ZMYND15: variants seen among roughly 807,000 people sequenced by gnomAD.
ZMYND15 encodes the protein zinc finger MYND-type containing 15, also known as zinc finger MYND domain-containing protein 15.
Under a neutral mutation model 81.7 loss-of-function variants are expected in ZMYND15, and 54 were observed. The observed-to-expected ratio is 0.66, with a 90% CI of 0.53 to 0.83. The LOEUF (loss-of-function observed/expected upper bound fraction) is 0.83, where lower values mean the gene tolerates loss of function less well. Ranked by LOEUF, ZMYND15 falls within the 40% of genes least tolerant of loss-of-function variation. ZMYND15 has a pLI of 0.00. For synonymous variants in ZMYND15, 399 were observed against 387.0 expected, an observed-to-expected ratio of 1.03 and a Z score of -0.36; for missense variants, 925 against 973.5, an observed-to-expected ratio of 0.95 and a Z score of 0.66.
At chr17:4,742,112 G>T in intron 4 of ZMYND15, 42 bp downstream of exon 4, 2 of 1,609,094 alleles carry the variant, frequency 1.2e-6, no homozygotes, top group Non-Finnish European at 8.5e-7. Context: ...ACCCCAATAG[G>T]CAAATAGAAG....
rs1164756599 is a variant in ZMYND15 at position 4,743,529 on chromosome 17, G to C, written c.1297+74G>C. The C allele has an allele frequency of 5.1e-6, 8 of 1,583,928 alleles. No homozygotes were observed. The highest frequency in any genetic ancestry group is 1.7e-5 in the Admixed American group (1 of 57,738). ...CTGGGAAGAAGTTGTCTGGGTCCCA[G>C]ATGATCCCTCCACATACACACTGAC... On this transcript the variant is annotated intron_variant, in intron 6 of 13. Coordinates refer to ENST00000433935, the MANE Select transcript of ZMYND15 (RefSeq NM_001136046.3). This position sits in a 1 kb window ranked among gnomAD's most constrained non-coding sequence, Gnocchi z 4.3.
Position 4,741,659 on chromosome 17 carries a change from G to A in ZMYND15, c.670G>A (p.Val224Met). The stretch of plus-strand genomic sequence containing the variant: ...CACCATCTTGGGCATTGATCTGCTA[G>A]TGGATGGAGCCCAGGGAACCGCAAG... ...HGTILGIDLLVDGAQGTASWG... is the reference protein window; with the variant it reads ...HGTILGIDLLMDGAQGTASWG... Residue 224 changes from valine (V) to methionine (M), a missense_variant, in exon 3 of 14, where the codon GTG becomes ATG. Coordinates refer to ENST00000433935, the MANE Select transcript of ZMYND15 (RefSeq NM_001136046.3). 6.2e-7 allele frequency: 1 copy of A among 1,614,108 alleles called. No individual in the cohort carries two copies. The highest frequency in any genetic ancestry group is 2.2e-5 in the East Asian group (1 of 44,884).
In ZMYND15 at chr17:4,740,745, G is replaced by A. The variant is rs772162607; in HGVS notation, c.197G>A (p.Ser66Asn). The part of the protein sequence containing the change: ...LWVLHVLPNH[S>N]VGISLGQGAE... ...GTGCTCCATGTCCTGCCCAACCATAGTGTGGGCATCAGCCTGGGGCAAGGG... is the reference window on the plus strand; with the variant it reads ...GTGCTCCATGTCCTGCCCAACCATAATGTGGGCATCAGCCTGGGGCAAGGG... The change falls in exon 2 of 14, where the codon AGT becomes AAT. Residue 66 changes from serine to asparagine, a missense_variant. By Grantham distance (46) the Ser-to-Asn change is conservative. Transcript: ENST00000433935. 3 of 1,605,460 alleles carry A rather than the reference G, an allele frequency of 1.9e-6. No individual in the cohort carries two copies. The highest frequency in any genetic ancestry group is 2.6e-6 in the Non-Finnish European group (3 of 1,173,694).
In ZMYND15 at chr17:4,740,000, C is replaced by T. The variant is rs1042282554; in HGVS notation, c.-81C>T. On this transcript the variant is annotated 5_prime_UTR_variant, in exon 1 of 14. Transcript: ENST00000433935. The surrounding 1 kb of genome is among the most constrained non-coding windows in gnomAD (Gnocchi z 5.3). ...AGCCCTGACGTCACAACCGCACCCG[C>T]GCACCCTCCACCGCGAGGTATTTAC... The T allele has an allele frequency of 7.1e-6, 7 of 985,278 alleles. No homozygotes were observed. The African/African-American group carries it at 1.2e-4, about 17-fold the overall frequency. The allele number at this position is 985,278 out of a possible 1,614,324, so 61.0% of individuals were successfully genotyped here. A position where few individuals can be genotyped will look rare whatever the true frequency, so the allele number is the denominator to read the frequency against.
Position 4,743,873 on chromosome 17 carries a change from C to G in ZMYND15, c.1378+26C>G. 2 of 1,611,754 alleles carry G rather than the reference C, an allele frequency of 1.2e-6. No individual in the cohort carries two copies. Among genetic ancestry groups the G allele is most frequent in the Non-Finnish European group, 1.7e-6 (2 of 1,178,804 alleles). The stretch of plus-strand genomic sequence containing the variant: ...GTGAGCTGGAGGGGCCCTGTGGAAG[C>G]TAGGGGTAGGGCCAGGGACTGGAGA... On this transcript the variant is annotated intron_variant, in intron 7 of 13. Coordinates refer to ENST00000433935, the MANE Select transcript of ZMYND15 (RefSeq NM_001136046.3). This position sits in a 1 kb window ranked among gnomAD's most constrained non-coding sequence, Gnocchi z 4.3.
rs1916470499 is a variant in ZMYND15 at position 4,742,461 on chromosome 17, C to T, written c.1114C>T (p.Leu372=). The change falls in exon 5 of 14, where the codon CTG becomes TTG. Residue 372 remains leucine (L), a synonymous_variant. Transcript: ENST00000433935. ...LAAFMERAGE[L]ATLPFTYTAE... is the part of the protein sequence containing the mutation. ...AGCCTTCATGGAGCGGGCAGGAGAA[C>T]TGGCAACCCTGCCTTTTACCTACAC... 6.2e-7 allele frequency: 1 copy of T among 1,614,044 alleles called. No homozygotes were observed. The highest frequency in any genetic ancestry group is 1.7e-5 in the Admixed American group (1 of 60,008).
chr17:4,740,505 C>T lies in ZMYND15; in HGVS notation c.-30-14C>T. ...CTCTCCTGTCCCTCACCATATATCCCTTCTTTTGCTCAGTCTGGGCCGGGG... is the reference window on the plus strand; with the variant it reads ...CTCTCCTGTCCCTCACCATATATCCTTTCTTTTGCTCAGTCTGGGCCGGGG... On this transcript the variant is annotated splice_polypyrimidine_tract_variant and intron_variant, in intron 1 of 13. Coordinates refer to ENST00000433935, the MANE Select transcript of ZMYND15 (RefSeq NM_001136046.3). The T allele has an allele frequency of 6.5e-7, 1 of 1,530,156 alleles. No individual in the cohort carries two copies. The highest frequency in any genetic ancestry group is 2.3e-5 in the East Asian group (1 of 43,982). The allele number at this position is 1,530,156 out of a possible 1,614,324, so 94.8% of individuals were successfully genotyped here. A position where few individuals can be genotyped will look rare whatever the true frequency, so the allele number is the denominator to read the frequency against.
chr17:4,740,938 C>T lies in ZMYND15; in HGVS notation c.390C>T (p.Asp130=), dbSNP rs370077147. The T allele has an allele frequency of 8.9e-5, 140 of 1,578,708 alleles. 1 individual carries two copies. Among genetic ancestry groups the T allele is most frequent in the Non-Finnish European group, 1.1e-4 (128 of 1,161,540 alleles). Residue 130 remains aspartate, a synonymous_variant, in exon 2 of 14, where the codon GAC becomes GAT. Coordinates refer to ENST00000433935, the MANE Select transcript of ZMYND15 (RefSeq NM_001136046.3). ...EEDEEEEKRE[D]GGAGSTEKVE... ...ATGAAGAAGAAGAGAAGAGAGAGGA[C>T]GGGGGTGCAGGCAGCACAGAGAAGG...
In ZMYND15 at chr17:4,745,863, A is replaced by G. The variant is rs765453655; in HGVS notation, c.2102A>G (p.Gln701Arg). Residue 701 changes from glutamine to arginine, a missense_variant, in exon 14 of 14, where the codon CAA becomes CGA. Physicochemically the swap from Gln to Arg is conservative, Grantham distance 43 (BLOSUM62 1). Transcript: ENST00000433935. The surrounding 1 kb of genome is among the most constrained non-coding windows in gnomAD (Gnocchi z 5.2). ...FIFHLVYKPA[Q>R]GSGARPAPGP... The stretch of plus-strand genomic sequence containing the variant: ...TTCCACCTGGTTTACAAGCCTGCTC[A>G]AGGGAGCGGGGCCCGCCCGGCGCCC... The G allele has an allele frequency of 6.3e-6, 10 of 1,594,234 alleles. No individual in the cohort carries two copies. The highest frequency in any genetic ancestry group is 8.5e-6 in the Non-Finnish European group (10 of 1,172,104).
In ZMYND15 at chr17:4,743,653, C is replaced by T. The variant is rs929597186; in HGVS notation, c.1298-114C>T. ...AGAAACCCCATCCCTATGCAAACCC[C>T]CATTCCTCTTACTGCGGCTGTCTCA... On this transcript the variant is annotated intron_variant, in intron 6 of 13. Coordinates refer to ENST00000433935, the MANE Select transcript of ZMYND15 (RefSeq NM_001136046.3). This position sits in a 1 kb window ranked among gnomAD's most constrained non-coding sequence, Gnocchi z 4.3. The T allele has an allele frequency of 7.7e-7, 1 of 1,295,752 alleles. No homozygotes were observed. The highest frequency in any genetic ancestry group is 1.5e-5 in the African/African-American group (1 of 67,204). 80.3% of individuals were successfully genotyped at this position (1,295,752 alleles called of 1,614,324 possible).
chr17:4,741,490 G>A (rs1239520569), intron 2 of ZMYND15, 92 bp from the exon 3 acceptor site: 2 of 1,395,664 alleles, frequency 1.4e-6, no homozygotes, highest in African/African-American at 2.8e-5. Context: ...TACTTGCCTA[G>A]CCCCGTAGGT....
rs1417938045 is a variant in ZMYND15, at chr17:4,745,853, A to T, written c.2092A>T (p.Lys698Ter). 1 of 1,599,112 alleles carries T rather than the reference A, an allele frequency of 6.3e-7. No individual in the cohort carries two copies. The highest frequency in any genetic ancestry group is 8.5e-7 in the Non-Finnish European group (1 of 1,174,470). The change falls in exon 14 of 14, where the codon AAG becomes TAG. Residue 698 changes from lysine (K) to a stop codon, truncating the protein, a stop_gained. Coordinates refer to ENST00000433935, the MANE Select transcript of ZMYND15 (RefSeq NM_001136046.3). LOFTEE classifies it high-confidence loss of function. The surrounding 1 kb of genome is among the most constrained non-coding windows in gnomAD (Gnocchi z 5.2). The stretch of plus-strand genomic sequence containing the variant: ...TGCCTTCATCTTCCACCTGGTTTAC[A>T]AGCCTGCTCAAGGGAGCGGGGCCCG... ...CNAFIFHLVY[K>*]PAQGSGARPA... is the part of the protein sequence containing the mutation.
intron 5 of ZMYND15, among the ~76,000 whole-genome samples, chr17:4,742,982 G>A (rs1042803644): frequency 6.6e-6 from 1 of 152,048 alleles, no homozygotes; most frequent in Admixed American, 6.6e-5. Context: ...TTCTAGGCCG[G>A]GCAATGGTTC....
rs1272423606 is a variant in ZMYND15 at position 4,739,903 on chromosome 17, G to T, written c.-178G>T. ...CCGCCAGCCCCGGCCGCGCGCACCT[G>T]CGGGGCAGCCACCCGCGGACGCACC... On this transcript the variant is annotated 5_prime_UTR_variant, in exon 1 of 14. Coordinates refer to ENST00000433935, the MANE Select transcript of ZMYND15 (RefSeq NM_001136046.3). This position sits in a 1 kb window ranked among gnomAD's most constrained non-coding sequence, Gnocchi z 5.3. The T allele has an allele frequency of 1.6e-5, 16 of 985,312 alleles. No homozygotes were observed. The South Asian group carries it at 4.2e-4, about 26-fold the overall frequency. The allele number at this position is 985,312 out of a possible 1,614,324, so 61.0% of individuals were successfully genotyped here. A position where few individuals can be genotyped will look rare whatever the true frequency, so the allele number is the denominator to read the frequency against.
In ZMYND15 at chr17:4,745,950, G is replaced by A. The variant is rs1309255520; in HGVS notation, c.2189G>A (p.Gly730Glu). Residue 730 changes from glycine (G) to glutamate (E), a missense_variant, in exon 14 of 14, where the codon GGA becomes GAA. By Grantham distance (98) the Gly-to-Glu change is moderately conservative. Transcript: ENST00000433935. This position sits in a 1 kb window ranked among gnomAD's most constrained non-coding sequence, Gnocchi z 5.2. ...APPAPTRRRR[G>E]EKKPGRGARR... ...CCTGCCCCCACCCGAAGGCGCCGAG[G>A]AGAAAAGAAACCTGGGCGGGGGGCC... The A allele has an allele frequency of 6.8e-7, 1 of 1,469,518 alleles. No homozygotes were observed. The highest frequency in any genetic ancestry group is 2.7e-5 in the East Asian group (1 of 37,012). 91.0% of individuals were successfully genotyped at this position (1,469,518 alleles called of 1,614,324 possible).
Position 4,740,860 on chromosome 17 carries a change from C to G in ZMYND15, c.312C>G (p.Ile104Met). Reference sequence around the variant, plus strand: ...ACCTGCGAGACCTGAGCCCCTACATCAGCTTTGTCAGCCTAGAGGATGGGG... The same window carrying G: ...ACCTGCGAGACCTGAGCCCCTACATGAGCTTTGTCAGCCTAGAGGATGGGG... ...PLHLRDLSPY[I>M]SFVSLEDGEE... The change falls in exon 2 of 14, where the codon ATC becomes ATG. Residue 104 changes from isoleucine to methionine, a missense_variant. By Grantham distance (10) the Ile-to-Met change is conservative (BLOSUM62 1). Transcript: ENST00000433935. The G allele has an allele frequency of 6.4e-7, 1 of 1,572,872 alleles. No individual in the cohort carries two copies. Among genetic ancestry groups the G allele is most frequent in the South Asian group, 1.2e-5 (1 of 85,168 alleles).
Position 4,739,881 on chromosome 17 carries a change from C to T in ZMYND15, c.-200C>T. ...GGCGGCCCGGTGGAGAGAGTCGCCG[C>T]CAGCCCCGGCCGCGCGCACCTGCGG... On this transcript the variant is annotated 5_prime_UTR_variant, in exon 1 of 14. Coordinates refer to ENST00000433935, the MANE Select transcript of ZMYND15 (RefSeq NM_001136046.3). The surrounding 1 kb of genome is among the most constrained non-coding windows in gnomAD (Gnocchi z 5.3). The T allele has an allele frequency of 2.0e-6, 2 of 985,652 alleles. No homozygotes were observed. Among genetic ancestry groups the T allele is most frequent in the Non-Finnish European group, 2.4e-6 (2 of 830,230 alleles). The allele number at this position is 985,652 out of a possible 1,614,324, so 61.1% of individuals were successfully genotyped here. A position where few individuals can be genotyped will look rare whatever the true frequency, so the allele number is the denominator to read the frequency against.
rs1342775951 is a variant in ZMYND15 at position 4,744,093 on chromosome 17, T to C, written c.1481T>C (p.Leu494Pro). Residue 494 changes from leucine (L) to proline (P), a missense_variant, in exon 8 of 14, where the codon CTG becomes CCG. Transcript: ENST00000433935. The surrounding 1 kb of genome is among the most constrained non-coding windows in gnomAD (Gnocchi z 4.1). ...ACCGTGTACTACGTCATCACCCACC[T>C]GGTGCCCCAGTCCTGTAAGGAGAGC... ...PLTVYYVITH[L>P]VPQSFPELNI... 1 of 1,590,266 alleles carries C rather than the reference T, an allele frequency of 6.3e-7. No individual in the cohort carries two copies. Among genetic ancestry groups the C allele is most frequent in the East Asian group, 2.3e-5 (1 of 43,346 alleles).
rs773828981 is a variant in ZMYND15 at position 4,745,806 on chromosome 17, C to A, written c.2058-13C>A. Reference sequence around the variant, plus strand: ...CGCCCCGTGGTCCCTGACTGCGCCCCGCGCCCCCGCAGGTACTGCAATGCC... The same window carrying A: ...CGCCCCGTGGTCCCTGACTGCGCCCAGCGCCCCCGCAGGTACTGCAATGCC... On this transcript the variant is annotated splice_polypyrimidine_tract_variant and intron_variant, in intron 13 of 13. Coordinates refer to ENST00000433935, the MANE Select transcript of ZMYND15 (RefSeq NM_001136046.3). This position sits in a 1 kb window ranked among gnomAD's most constrained non-coding sequence, Gnocchi z 5.2. 3.2e-6 allele frequency: 5 copies of A among 1,562,016 alleles called. No homozygotes were observed. The highest frequency in any genetic ancestry group is 4.3e-6 in the Non-Finnish European group (5 of 1,154,138).
Sources: allele counts gnomAD v4.1 joint callset (sites outside exome capture counted in the v4.1 genomes callset), GRCh38; gene constraint gnomAD v4.1.1; non-coding constraint Gnocchi (gnomAD v3.1); transcripts MANE v1.5; gene names NCBI Gene and HGNC (gene_info 2026-07-23, HGNC 2026-07-21).